The following FRMD3 variants were observed in gnomAD, a reference collection of about 807,000 sequenced individuals.
FRMD3 encodes the protein FERM domain-containing protein 3.
FRMD3 carries 33 observed loss-of-function variants against 70.2 expected under a neutral mutation model. The observed-to-expected ratio is 0.47, with a 90% confidence interval of 0.36 to 0.63. The LOEUF is 0.63. FRMD3 is among the 20% of genes least tolerant of loss of function. FRMD3 has a pLI of 0.00. For missense variants in FRMD3, 632 were observed against 711.4 expected, an observed-to-expected ratio of 0.89 and a Z score of 1.27; for synonymous variants, 279 against 255.9, an observed-to-expected ratio of 1.09 and a Z score of -0.86.
chr9:83,454,724 C>A (rs1587869716), intron 1 of FRMD3, among the ~76,000 whole-genome samples: 1 of 152,300 alleles, frequency 6.6e-6, no homozygotes, highest in East Asian at 1.9e-4. Flanking sequence ...AGATGGCACA[C>A]TGGAACATCA....
intron 1 of FRMD3, among the ~76,000 whole-genome samples, chr9:83,500,838 A>G (rs1342447727): frequency 6.6e-6 from 1 of 152,218 alleles, no homozygotes. Context: ...GCTTCTCTGC[A>G]GCATTTTCTA....
At chr9:83,253,591 C>T (rs1039907862) in intron 13 of FRMD3, among the ~76,000 whole-genome samples, 173 of 152,176 alleles carry the variant, frequency 1.1e-3, no homozygotes, top group East Asian at 4.1e-3. Context: ...GTTAGAATGG[C>T]GATCATTAAA....
the FRMD3 span, among the ~76,000 whole-genome samples, chr9:83,550,430 C>T: frequency 6.6e-6 from 1 of 152,020 alleles, no homozygotes; most frequent in Admixed American, 6.6e-5. Flanking sequence ...GCTATTTGGG[C>T]TCTTTTTTGG....
chr9:83,419,585 G>C (rs1826569178), intron 1 of FRMD3, among the ~76,000 whole-genome samples: 1 of 151,674 alleles, frequency 6.6e-6, no homozygotes, highest in Non-Finnish European at 1.5e-5. Flanking sequence ...TGTGTGATAT[G>C]TGTTCATGTG....
rs538368647 is a variant in FRMD3 at position 83,363,710 on chromosome 9, T to A, written c.295+9203A>T. Among the ~76,000 whole-genome samples the A allele has an allele frequency of 3.2e-3, 486 of 152,064 alleles. 1 individual carries two copies. The highest frequency in any genetic ancestry group is 0.011 in the African/African-American group (445 of 41,492). On this transcript the variant is annotated intron_variant, in intron 3 of 13. Transcript: ENST00000304195. Reference sequence around the variant, plus strand: ...GCTGGGACTACAGGCGCCCGCCACCTCGCCCGGCTAATTTTTTGTATTTTT... The same window carrying A: ...GCTGGGACTACAGGCGCCCGCCACCACGCCCGGCTAATTTTTTGTATTTTT...
intron 10 of FRMD3, among the ~76,000 whole-genome samples, chr9:83,303,471 C>T (rs917496323): frequency 6.6e-6 from 1 of 152,192 alleles, no homozygotes; most frequent in Non-Finnish European, 1.5e-5. Flanking sequence ...ACCTGGAAGG[C>T]TTTTTAAAAC....
At chr9:83,415,676 G>A (rs1826419087) in intron 1 of FRMD3, among the ~76,000 whole-genome samples, 1 of 144,692 alleles carries the variant, frequency 6.9e-6, no homozygotes, top group Non-Finnish European at 1.5e-5. Context: ...TAGCCAGGAT[G>A]GTCTCGGTCT....
intron 6 of FRMD3, among the ~76,000 whole-genome samples, chr9:83,324,680 A>G (rs879051309): frequency 1.3e-5 from 2 of 152,232 alleles, no homozygotes; most frequent in Non-Finnish European, 2.9e-5. Flanking sequence ...TCCAAGCAGC[A>G]TAACATTTTT....
At chr9:83,300,521 T>C (rs1025970144) in intron 10 of FRMD3, among the ~76,000 whole-genome samples, 1 of 152,190 alleles carries the variant, frequency 6.6e-6, no homozygotes, top group African/African-American at 2.4e-5. Context: ...TACAGAGTGA[T>C]ATAATGGACT....
intron 1 of FRMD3, among the ~76,000 whole-genome samples, chr9:83,482,965 C>T (rs959038710): frequency 6.6e-6 from 1 of 152,204 alleles, no homozygotes; most frequent in Admixed American, 6.5e-5. Context: ...GGCATCCTGG[C>T]ATGGCAGCCA....
At chr9:83,463,683 CAAG>C (rs1294685638) in intron 1 of FRMD3, among the ~76,000 whole-genome samples, 5 of 152,232 alleles carry the variant, frequency 3.3e-5, no homozygotes, top group Middle Eastern at 3.4e-3. Context: ...TTGCTCTTGC[CAAG>C]AAGATCTATT....
intron 1 of FRMD3, among the ~76,000 whole-genome samples, chr9:83,443,032 T>C (rs1287313678): frequency 6.6e-6 from 1 of 152,342 alleles, no homozygotes; most frequent in East Asian, 1.9e-4. Flanking sequence ...TATGTATAGA[T>C]ATAAATATAG....
At chr9:83,334,145 C>T (rs1189977727) in intron 6 of FRMD3, among the ~76,000 whole-genome samples, 2 of 152,154 alleles carry the variant, frequency 1.3e-5, no homozygotes, top group African/African-American at 4.8e-5. Flanking sequence ...TGCTCTGCCA[C>T]AAACCCCTCC....
chr9:83,453,844 T>C (rs1020439823), intron 1 of FRMD3, among the ~76,000 whole-genome samples: 11 of 151,510 alleles, frequency 7.3e-5, no homozygotes, highest in Non-Finnish European at 1.3e-4. Context: ...GCCTCCCAAG[T>C]AGCTGGGACT....
Position 83,275,206 on chromosome 9 carries a change from G to C in FRMD3, c.1195+15397C>G, listed in dbSNP as rs1042008559. Reference sequence around the variant, plus strand: ...CGTCGGCATGGAGGTCAGGATCACGGAGAGGAGGTCAGGATCACTTTACTC... The same window carrying C: ...CGTCGGCATGGAGGTCAGGATCACGCAGAGGAGGTCAGGATCACTTTACTC... On this transcript the variant is annotated intron_variant, in intron 13 of 13. Coordinates refer to ENST00000304195, the MANE Select transcript of FRMD3 (RefSeq NM_174938.6). Among the ~76,000 whole-genome samples the C allele has an allele frequency of 2.0e-5, 3 of 152,310 alleles. No individual in the cohort carries two copies. In the East Asian group the frequency reaches 5.8e-4, roughly 29 times the overall value.
At chr9:83,520,052 T>C (rs1162017447) in intron 1 of FRMD3, among the ~76,000 whole-genome samples, 2 of 151,978 alleles carry the variant, frequency 1.3e-5, no homozygotes, top group African/African-American at 4.8e-5. Flanking sequence ...AGATGACGAG[T>C]TGATGGGTGC....
intron 6 of FRMD3, among the ~76,000 whole-genome samples, chr9:83,315,539 T>C (rs1304698337): frequency 6.6e-6 from 1 of 152,154 alleles, no homozygotes; most frequent in Non-Finnish European, 1.5e-5. Flanking sequence ...TCTGGTTGTT[T>C]ACAAGTGTGT....
chr9:83,363,655 C>T (rs901339745), intron 3 of FRMD3, among the ~76,000 whole-genome samples: 9 of 150,124 alleles, frequency 6.0e-5, no homozygotes, highest in Admixed American at 2.0e-4. Context: ...CCGGGGTTCA[C>T]GCCATTCTCC....
intron 6 of FRMD3, chr9:83,331,831 A>C (rs1292401383): frequency 1.4e-6 from 1 of 717,354 alleles, no homozygotes; most frequent in Admixed American, 2.0e-5. Flanking sequence ...CTGGGTGCCC[A>C]CTGTTTCCAG....
Sources: allele counts gnomAD v4.1 joint callset (sites outside exome capture counted in the v4.1 genomes callset), GRCh38; gene constraint gnomAD v4.1.1; transcripts MANE v1.5; gene names NCBI Gene and HGNC (gene_info 2026-07-23, HGNC 2026-07-21).